Variants in GRIK1 observed in about 807,000 individuals in gnomAD.
GRIK1 encodes glutamate receptor ionotropic, kainate 1.
Under a neutral mutation model 105.7 loss-of-function variants are expected in GRIK1, and 69 were observed. That is an observed-to-expected ratio of 0.65 (90% CI 0.54 to 0.80). The LOEUF (loss-of-function observed/expected upper bound fraction) is 0.80. Among genes scored for constraint, GRIK1 ranks in the 30% least tolerant of loss-of-function variants. GRIK1 has a pLI of 0.00. For missense variants in GRIK1, 1,109 were observed against 1,167.3 expected, an observed-to-expected ratio of 0.95 and a Z score of 0.73; for synonymous variants, 438 against 431.3, an observed-to-expected ratio of 1.02 and a Z score of -0.19.
At chr21:29,560,364 T>TCTTTCTCTTTCTTCCTTCCTTC (rs2090394814) in intron 15 of GRIK1, among the ~76,000 whole-genome samples, 1 of 35,886 alleles carries the variant, frequency 2.8e-5, no homozygotes, top group African/African-American at 1.3e-4. Context: ...TCTTTTTCTT[T>TCTTTCTCTTTCTTCCTTCCTTC]CTTCCTTCCT....
At chr21:29,621,431 C>A (rs57602578) in intron 7 of GRIK1, among the ~76,000 whole-genome samples, 32,034 of 151,602 alleles carry the variant, frequency 0.21, 4,529 homozygotes, top group African/African-American at 0.4. Context: ...GATCTAAAAC[C>A]TAAAACTCTT....
intron 1 of GRIK1, among the ~76,000 whole-genome samples, chr21:29,865,713 T>C (rs143989115): frequency 1.3e-5 from 2 of 152,368 alleles, no homozygotes; most frequent in East Asian, 3.9e-4. Context: ...GAAATGTGTG[T>C]CCCAATATTA....
intron 1 of GRIK1, among the ~76,000 whole-genome samples, chr21:29,769,012 A>T (rs1319011686): frequency 6.6e-6 from 1 of 152,160 alleles, no homozygotes; most frequent in Non-Finnish European, 1.5e-5. Flanking sequence ...TCAATCAATT[A>T]TTGTTGTTCT....
chr21:29,731,948 A>G (rs1461746550), intron 1 of GRIK1, among the ~76,000 whole-genome samples: 4 of 152,156 alleles, frequency 2.6e-5, no homozygotes, highest in Non-Finnish European at 1.5e-5. Flanking sequence ...TTACTCATAT[A>G]GGAGCTCTTT....
At chr21:29,716,854 G>A (rs113877429) in intron 1 of GRIK1, among the ~76,000 whole-genome samples, 3 of 152,356 alleles carry the variant, frequency 2.0e-5, no homozygotes, top group African/African-American at 7.2e-5. Flanking sequence ...CCAAGACAAT[G>A]GGGAAAATGC....
intron 1 of GRIK1, among the ~76,000 whole-genome samples, chr21:29,890,891 A>G (rs2069872710): frequency 6.6e-6 from 1 of 152,162 alleles, no homozygotes; most frequent in Non-Finnish European, 1.5e-5. Context: ...TGCCAGAAAA[A>G]GAAAATCAAA....
At chr21:29,591,915 A>G (rs1030746474) in intron 9 of GRIK1, among the ~76,000 whole-genome samples, 1 of 151,990 alleles carries the variant, frequency 6.6e-6, no homozygotes, top group African/African-American at 2.4e-5. Context: ...GCCAGGCATG[A>G]TGGTGCACGC....
rs765040687 is a variant in GRIK1, at chr21:29,939,491, C to A, written c.10G>T (p.Gly4Cys). MEH[G>C]TLLAQPGLWT... ...AGCCCGGGCTGGGCGAGGAGTGTGC[C>A]GTGCTCCATCTTCCTAGCTTCTTAA... The change falls in exon 1 of 18, where the codon GGC (glycine) becomes TGC (cysteine). Residue 4 changes from glycine to cysteine, a missense_variant. By Grantham distance (159) the Gly-to-Cys change is radical. Transcript: ENST00000327783. 2 of 1,575,512 alleles carry A rather than the reference C, an allele frequency of 1.3e-6. No homozygotes were observed. Among genetic ancestry groups the A allele is most frequent in the South Asian group, 1.1e-5 (1 of 87,650 alleles).
chr21:29,794,215 C>A (rs982008090), intron 1 of GRIK1, among the ~76,000 whole-genome samples: 31 of 152,018 alleles, frequency 2.0e-4, no homozygotes, highest in Non-Finnish European at 1.5e-5. Context: ...AATGAAATGA[C>A]CACATATGAA....
At chr21:29,543,180 A>C (rs2089997573) in intron 16 of GRIK1, among the ~76,000 whole-genome samples, 1 of 152,050 alleles carries the variant, frequency 6.6e-6, no homozygotes, top group Non-Finnish European at 1.5e-5. Context: ...TATATTTTTT[A>C]AAGAAAGACA....
chr21:29,867,886 A>AG (rs1555901571), intron 1 of GRIK1, among the ~76,000 whole-genome samples: 12 of 129,030 alleles, frequency 9.3e-5, no homozygotes, highest in Admixed American at 3.8e-4. Context: ...AAGAGAGAGA[A>AG]AGAGAGAGAG....
chr21:29,641,376 T>C (rs754691870), intron 7 of GRIK1, among the ~76,000 whole-genome samples: 51 of 151,942 alleles, frequency 3.4e-4, no homozygotes, highest in Non-Finnish European at 1.0e-4. Flanking sequence ...AGTTTTCTCT[T>C]GCCTGCCACC....
chr21:29,576,990 C>T lies in GRIK1; in HGVS notation c.2104G>A (p.Asp702Asn), dbSNP rs1350690004. 1 of 1,611,228 alleles carries T rather than the reference C, an allele frequency of 6.2e-7. No individual in the cohort carries two copies. Among genetic ancestry groups the T allele is most frequent in the African/African-American group, 1.3e-5 (1 of 74,806 alleles). ...QTKIEYGAVRDGSTMTFFKKS... is the reference protein window; with the variant it reads ...QTKIEYGAVRNGSTMTFFKKS... ...TTGAAGAAGGTCATTGTTGATCCATCTCTAACCGCCCCATATTCTATCTTG... is the reference window on the plus strand; with the variant it reads ...TTGAAGAAGGTCATTGTTGATCCATTTCTAACCGCCCCATATTCTATCTTG... The change falls in exon 14 of 18, where the codon GAT becomes AAT. Residue 702 changes from aspartate (D) to asparagine (N), a missense_variant. Asp to Asn is a conservative substitution (Grantham distance 23, BLOSUM62 1). This residue lies in a region of GRIK1 where 264 missense variants were observed against 306.9 expected (regional missense o/e 0.86). Coordinates refer to ENST00000327783, the MANE Select transcript of GRIK1 (RefSeq NM_001330994.2).
chr21:29,632,095 T>C (rs993239984), intron 7 of GRIK1, among the ~76,000 whole-genome samples: 4 of 152,226 alleles, frequency 2.6e-5, no homozygotes, highest in Non-Finnish European at 4.4e-5. Context: ...ATCTTCTTAA[T>C]ATTTGCATGC....
chr21:29,655,856 G>C (rs2062837447), intron 4 of GRIK1, among the ~76,000 whole-genome samples: 1 of 152,108 alleles, frequency 6.6e-6, no homozygotes, highest in Non-Finnish European at 1.5e-5. Context: ...AAGGAAAAAA[G>C]GAGGTGGATA....
chr21:29,627,389 A>G (rs1482636966), intron 7 of GRIK1, among the ~76,000 whole-genome samples: 1 of 152,190 alleles, frequency 6.6e-6, no homozygotes, highest in Non-Finnish European at 1.5e-5. Flanking sequence ...AGAAAAGTAG[A>G]GGGAAGGTAC....
At chr21:29,776,563 G>T (rs1683053492) in intron 1 of GRIK1, among the ~76,000 whole-genome samples, 2 of 152,210 alleles carry the variant, frequency 1.3e-5, no homozygotes, top group Admixed American at 1.3e-4. Context: ...AAAATGGAGA[G>T]ATAGGAACTA....
intron 1 of GRIK1, among the ~76,000 whole-genome samples, chr21:29,790,295 C>A (rs186952613): frequency 1.4e-3 from 207 of 152,278 alleles, no homozygotes; most frequent in Middle Eastern, 3.4e-3. Flanking sequence ...GATCTGCCCA[C>A]CTCGGCCTCC....
chr21:29,575,725 G>A (rs140173415), intron 14 of GRIK1, among the ~76,000 whole-genome samples: 4,425 of 152,206 alleles, frequency 0.029, 84 homozygotes, highest in African/African-American at 0.038. Flanking sequence ...CCAGCTACTT[G>A]GGAGGCTGAG....
Sources: allele counts gnomAD v4.1 joint callset (sites outside exome capture counted in the v4.1 genomes callset), GRCh38; gene constraint gnomAD v4.1.1; regional missense constraint gnomAD v4.1.1; transcripts MANE v1.5; gene names NCBI Gene and HGNC (gene_info 2026-07-23, HGNC 2026-07-21).